FNBP1L: variants seen among roughly 807,000 people sequenced by gnomAD.
FNBP1L encodes the protein formin binding protein 1 like.
In FNBP1L, 36 loss-of-function variants were observed where a neutral mutation model predicts 91.2. The observed-to-expected ratio is 0.39, with a 90% CI of 0.30 to 0.52. FNBP1L has a LOEUF of 0.52. FNBP1L is among the 20% of genes least tolerant of loss of function. The pLI, the probability that FNBP1L is intolerant of heterozygous loss-of-function variation, is 0.66. For synonymous variants in FNBP1L, 242 were observed against 237.0 expected, an observed-to-expected ratio of 1.02 and a Z score of -0.19; for missense variants, 571 against 732.1, an observed-to-expected ratio of 0.78 and a Z score of 2.54.
At chr1:93,461,902 C>G (rs1668879680) in intron 1 of FNBP1L, among the ~76,000 whole-genome samples, 1 of 152,108 alleles carries the variant, frequency 6.6e-6, no homozygotes. Context: ...CTCACAAAGC[C>G]CACCATCATT....
At chr1:93,450,344 T>G (rs1173049917) in intron 1 of FNBP1L, among the ~76,000 whole-genome samples, 1 of 152,176 alleles carries the variant, frequency 6.6e-6, no homozygotes. Context: ...CTTTGGAAAT[T>G]CTGAAAAAGA....
At chr1:93,523,277 C>G in intron 3 of FNBP1L, 67 bp from the exon 4 acceptor site, 2 of 1,498,978 alleles carry the variant, frequency 1.3e-6, no homozygotes, top group South Asian at 2.7e-5. Context: ...TAGATTCAGT[C>G]CATACCTCAC....
intron 1 of FNBP1L, among the ~76,000 whole-genome samples, chr1:93,467,584 G>T (rs924883610): frequency 6.6e-6 from 1 of 152,112 alleles, no homozygotes; most frequent in African/African-American, 2.4e-5. Flanking sequence ...ACAACAGTAT[G>T]AATGTATCCC....
chr1:93,519,227 G>A (rs957131665), intron 2 of FNBP1L, among the ~76,000 whole-genome samples: 1 of 152,122 alleles, frequency 6.6e-6, no homozygotes, highest in Non-Finnish European at 1.5e-5. Context: ...TCTCTGCTTC[G>A]TTCCCCTCTT....
intron 2 of FNBP1L, among the ~76,000 whole-genome samples, chr1:93,510,741 G>A (rs60059519): frequency 0.025 from 3,735 of 152,036 alleles, 121 homozygotes; most frequent in African/African-American, 0.081. Context: ...TAGAATAACC[G>A]GTACAGAGAA....
Position 93,533,016 on chromosome 1 carries a change from C to A in FNBP1L, c.734C>A (p.Ser245Ter). ...GAACGCAAAGTTATTCCCATCATTT[C>A]AAAATGTTTGGAAGGAATGATTCTT... ...DSERKVIPII[S>*]KCLEGMILAA... The change falls in exon 8 of 17, where the codon TCA becomes TAA. Residue 245 changes from serine to a stop codon, truncating the protein, a stop_gained. Transcript: ENST00000271234. LOFTEE classifies it high-confidence loss of function. 1 of 1,612,706 alleles carries A rather than the reference C, an allele frequency of 6.2e-7. No individual in the cohort carries two copies.
intron 2 of FNBP1L, among the ~76,000 whole-genome samples, chr1:93,505,263 A>G (rs1225539063): frequency 1.3e-5 from 2 of 152,102 alleles, no homozygotes; most frequent in South Asian, 2.1e-4. Context: ...GCACTTGAAC[A>G]TAAATTTATT....
At chr1:93,516,406 TC>T (rs1270874902) in intron 2 of FNBP1L, among the ~76,000 whole-genome samples, 1 of 152,206 alleles carries the variant, frequency 6.6e-6, no homozygotes, top group Non-Finnish European at 1.5e-5. Flanking sequence ...ACATTCAAGT[TC>T]CACCCACAGG....
At chr1:93,472,134 G>A (rs184113971) in intron 1 of FNBP1L, among the ~76,000 whole-genome samples, 8 of 152,210 alleles carry the variant, frequency 5.3e-5, no homozygotes, top group African/African-American at 1.9e-4. Context: ...TGTGTTTTTT[G>A]AAAACACTCC....
At chr1:93,465,383 G>A (rs1021463301) in intron 1 of FNBP1L, among the ~76,000 whole-genome samples, 2 of 151,280 alleles carry the variant, frequency 1.3e-5, no homozygotes, top group African/African-American at 4.9e-5. Flanking sequence ...GCCGCGGTGT[G>A]TGATGTTCAC....
intron 1 of FNBP1L, among the ~76,000 whole-genome samples, chr1:93,475,586 GTACACA>G (rs1490359091): frequency 6.6e-6 from 1 of 152,048 alleles, no homozygotes; most frequent in African/African-American, 2.4e-5. Context: ...CCACCACTCA[GTACACA>G]TCACATGCAT....
chr1:93,448,619 A>T (rs1435414342), intron 1 of FNBP1L, among the ~76,000 whole-genome samples: 1 of 149,528 alleles, frequency 6.7e-6, no homozygotes, highest in South Asian at 2.1e-4. Flanking sequence ...TCCCTCCTCC[A>T]CCTTCACTTT....
chr1:93,511,493 G>A (rs962404051), intron 2 of FNBP1L, among the ~76,000 whole-genome samples: 4 of 152,180 alleles, frequency 2.6e-5, no homozygotes, highest in Non-Finnish European at 4.4e-5. Context: ...ACCAGCTGCT[G>A]CAAAATCATG....
At chr1:93,474,923 G>GAT (rs1239902145) in intron 1 of FNBP1L, among the ~76,000 whole-genome samples, 5 of 152,114 alleles carry the variant, frequency 3.3e-5, no homozygotes, top group South Asian at 2.1e-4. Context: ...CTTAGTAGGA[G>GAT]ATATATATAT....
intron 1 of FNBP1L, among the ~76,000 whole-genome samples, chr1:93,498,756 A>G (rs1246571670): frequency 1.3e-5 from 2 of 152,224 alleles, no homozygotes; most frequent in African/African-American, 2.4e-5. Context: ...CTTGTAGGAC[A>G]GTGGTACTCT....
At chr1:93,513,926 TAGGC>T (rs1670963881) in intron 2 of FNBP1L, among the ~76,000 whole-genome samples, 1 of 152,078 alleles carries the variant, frequency 6.6e-6, no homozygotes, top group Non-Finnish European at 1.5e-5. Context: ...CCAGGGCAAT[TAGGC>T]AGGAGAAAGA....
chr1:93,548,791 A>G (rs931977408), intron 14 of FNBP1L, among the ~76,000 whole-genome samples: 11 of 152,284 alleles, frequency 7.2e-5, no homozygotes, highest in South Asian at 2.1e-4. Flanking sequence ...GTTTCTGTGC[A>G]TTTCTTAAAT....
At chr1:93,449,632 T>C (rs1223237509) in intron 1 of FNBP1L, among the ~76,000 whole-genome samples, 1 of 152,228 alleles carries the variant, frequency 6.6e-6, no homozygotes, top group East Asian at 1.9e-4. Flanking sequence ...TGCAACATTC[T>C]GTACAAGTGC....
intron 1 of FNBP1L, among the ~76,000 whole-genome samples, chr1:93,468,916 GAT>G (rs1669187871): frequency 6.6e-6 from 1 of 152,108 alleles, no homozygotes. Context: ...GCCAACGGTT[GAT>G]ATCATCTGAA....
Sources: gnomAD v4.1 joint callset for allele counts (sites outside exome capture counted in the v4.1 genomes callset) on GRCh38, gnomAD v4.1.1 for gene constraint, MANE v1.5 for transcripts, NCBI Gene and HGNC (gene_info 2026-07-23, HGNC 2026-07-21) for gene names.